The following CD53 variants were observed in gnomAD, a reference collection of about 807,000 sequenced individuals.
CD53 encodes leukocyte surface antigen CD53.
Under a neutral mutation model 27.3 loss-of-function variants are expected in CD53, and 20 were observed. The observed-to-expected ratio is 0.73, with a 90% CI of 0.52 to 1.07. The LOEUF (loss-of-function observed/expected upper bound fraction) is 1.07, where lower values mean the gene tolerates loss of function less well. Among genes scored for constraint, CD53 ranks in the 50% least tolerant of loss-of-function variants. The pLI is 0.00. For synonymous variants in CD53, 106 were observed against 105.3 expected, an observed-to-expected ratio of 1.01 and a Z score of -0.04; for missense variants, 216 against 264.0, an observed-to-expected ratio of 0.82 and a Z score of 1.26.
intron 1 of CD53, among the ~76,000 whole-genome samples, chr1:110,885,244 A>C (rs892117279): frequency 2.0e-5 from 3 of 152,208 alleles, no homozygotes; most frequent in Non-Finnish European, 4.4e-5. Context: ...TTGTTTGAAC[A>C]GTTCAGTATC....
At position 110,892,389 on chromosome 1, in the gene CD53, C is replaced by G; in HGVS notation, c.108C>G (p.Ile36Met). 1.9e-6 allele frequency: 3 copies of G among 1,613,982 alleles called. No homozygotes were observed. The highest frequency in any genetic ancestry group is 1.3e-5 in the African/African-American group (1 of 75,030). ...CILGFGIYLL[I>M]HNNFGVLFHN... The stretch of plus-strand genomic sequence containing the variant: ...TGGGCTTTGGGATCTACCTGCTGAT[C>G]CACAACAACTTCGGAGTGCTCTTCC... Residue 36 changes from isoleucine (I) to methionine (M), a missense_variant, in exon 3 of 8, where the codon ATC becomes ATG. Transcript: ENST00000271324.
At chr1:110,895,435 C>G (rs1367171881) in intron 5 of CD53, among the ~76,000 whole-genome samples, 1 of 152,134 alleles carries the variant, frequency 6.6e-6, no homozygotes, top group Non-Finnish European at 1.5e-5. Flanking sequence ...GTTACCTAGC[C>G]CACCAACATC....
chr1:110,886,869 A>ATATATATATATATATATATATTT (rs1298376721), intron 1 of CD53, among the ~76,000 whole-genome samples: 5 of 82,784 alleles, frequency 6.0e-5, no homozygotes, highest in Admixed American at 1.4e-4. Flanking sequence ...ATATATATAT[A>ATATATATATATATATATATATTT]TTTTTTTTTT....
At chr1:110,895,524 G>C (rs1299525434) in intron 5 of CD53, among the ~76,000 whole-genome samples, 1 of 152,088 alleles carries the variant, frequency 6.6e-6, no homozygotes, top group Non-Finnish European at 1.5e-5. Flanking sequence ...GACATGATGT[G>C]TTGGGAGATA....
chr1:110,892,823 A>T, intron 3 of CD53: 1 of 274,342 alleles, frequency 3.6e-6, no homozygotes, highest in African/African-American at 2.2e-5. Flanking sequence ...TTTTTTCTTT[A>T]TGTCTGGATG....
At chr1:110,898,546 C>T (rs974076052) in intron 7 of CD53, among the ~76,000 whole-genome samples, 3 of 151,978 alleles carry the variant, frequency 2.0e-5, no homozygotes, top group Non-Finnish European at 4.4e-5. Context: ...CATTTGAAAA[C>T]CTGATCTTGC....
chr1:110,898,902 G>A (rs1657183883), intron 7 of CD53, among the ~76,000 whole-genome samples: 1 of 152,144 alleles, frequency 6.6e-6, no homozygotes, highest in African/African-American at 2.4e-5. Context: ...ACATGCTCCA[G>A]TACTTTACAG....
chr1:110,892,274 G>A (rs1656883540), intron 2 of CD53, 71 bp from the exon 3 acceptor site: 1 of 1,035,176 alleles, frequency 9.7e-7, no homozygotes. Flanking sequence ...TGATCTCAAG[G>A]AAGTGAGAAT....
chr1:110,882,624 A>G (rs1656403023), intron 1 of CD53, among the ~76,000 whole-genome samples: 1 of 152,142 alleles, frequency 6.6e-6, no homozygotes, highest in South Asian at 2.1e-4. Context: ...TGTAATATTG[A>G]TGGGGATTAC....
chr1:110,885,654 G>A (rs1656557719), intron 1 of CD53, among the ~76,000 whole-genome samples: 1 of 152,038 alleles, frequency 6.6e-6, no homozygotes, highest in African/African-American at 2.4e-5. Flanking sequence ...CCTGAGGTCA[G>A]GAGTTCGAGA....
chr1:110,876,277 C>T (rs1656127906), intron 1 of CD53, among the ~76,000 whole-genome samples: 4 of 152,134 alleles, frequency 2.6e-5, no homozygotes, highest in Admixed American at 1.3e-4. Context: ...CTATGGCATG[C>T]TCTTTCTTCT....
In CD53 at chr1:110,891,414, C is replaced by T. The variant is rs1270757592; in HGVS notation, c.6C>T (p.Gly2=). The change falls in exon 2 of 8, where the codon GGC becomes GGT. Residue 2 remains glycine, a synonymous_variant. Transcript: ENST00000271324. M[G]MSSLKLLKYV... is the part of the protein sequence containing the mutation. ...TAGGGCAAGAATATCACGGCATGGG[C>T]ATGAGTAGCTTGAAACTGCTGAAGT... is the stretch of plus-strand genomic sequence containing the variant. The T allele has an allele frequency of 6.2e-7, 1 of 1,612,742 alleles. No individual in the cohort carries two copies. The highest frequency in any genetic ancestry group is 1.3e-5 in the African/African-American group (1 of 74,896).
At chr1:110,888,864 CTG>C (rs1341600466) in intron 1 of CD53, among the ~76,000 whole-genome samples, 1 of 152,150 alleles carries the variant, frequency 6.6e-6, no homozygotes, top group Non-Finnish European at 1.5e-5. Context: ...TCATGAGAGT[CTG>C]TGTTTAGCTG....
chr1:110,895,202 T>G (rs1471781624), intron 5 of CD53, 147 bp downstream of exon 5: 1 of 638,600 alleles, frequency 1.6e-6, no homozygotes. Context: ...ATCACAAACA[T>G]GGGAGCCCAG....
At chr1:110,878,987 G>GAA (rs144849475) in intron 1 of CD53, among the ~76,000 whole-genome samples, 8 of 151,536 alleles carry the variant, frequency 5.3e-5, no homozygotes, top group South Asian at 4.2e-4. Flanking sequence ...GGTACAAATG[G>GAA]AAAAAAAACA....
chr1:110,889,632 GCTGTATGCCAGT>G (rs1656771287), intron 1 of CD53, among the ~76,000 whole-genome samples: 1 of 152,060 alleles, frequency 6.6e-6, no homozygotes, highest in East Asian at 1.9e-4. Flanking sequence ...TACCGGTCTT[GCTGTATGCCAGT>G]CTGTGTGATA....
chr1:110,875,099 C>CT (rs1178007944), intron 1 of CD53, among the ~76,000 whole-genome samples: 6 of 152,180 alleles, frequency 3.9e-5, no homozygotes, highest in African/African-American at 1.4e-4. Flanking sequence ...AGAGAGGTGA[C>CT]TGGTGGGTTC....
At chr1:110,896,500 G>A (rs1657067944) in intron 5 of CD53, among the ~76,000 whole-genome samples, 153 bp from the exon 6 acceptor site, 1 of 152,162 alleles carries the variant, frequency 6.6e-6, no homozygotes, top group South Asian at 2.1e-4. Context: ...AGATTAGAAA[G>A]CACTTTGTTT....
chr1:110,896,489 C>T (rs1469896328), intron 5 of CD53, among the ~76,000 whole-genome samples, 164 bp from the exon 6 acceptor site: 1 of 152,144 alleles, frequency 6.6e-6, no homozygotes, highest in Non-Finnish European at 1.5e-5. Flanking sequence ...AATGGTATAA[C>T]AGATTAGAAA....
Sources: allele counts gnomAD v4.1 joint callset (sites outside exome capture counted in the v4.1 genomes callset), GRCh38; gene constraint gnomAD v4.1.1; transcripts MANE v1.5; gene names NCBI Gene and HGNC (gene_info 2026-07-23, HGNC 2026-07-21).